The following CTNND2 variants were observed in gnomAD, a reference collection of about 807,000 sequenced individuals.
CTNND2 encodes the protein catenin delta 2.
Under a neutral mutation model 144.4 loss-of-function variants are expected in CTNND2, and 22 were observed. The ratio of observed to expected loss-of-function variants is 0.15; its 90% CI spans 0.11 to 0.22. CTNND2 has a LOEUF of 0.22. Ranked by LOEUF, CTNND2 falls within the 10% of genes least tolerant of loss-of-function variation. The pLI, the probability that CTNND2 is intolerant of heterozygous loss-of-function variation, is 1.00. For synonymous variants in CTNND2, 751 were observed against 695.6 expected (o/e 1.08, Z -1.25); for missense variants, 1,353 against 1,618.8 (o/e 0.84, Z 2.82).
At chr5:11,270,355 A>G (rs1274931730) in intron 9 of CTNND2, among the ~76,000 whole-genome samples, 2 of 152,172 alleles carry the variant, frequency 1.3e-5, no homozygotes, top group African/African-American at 2.4e-5. Context: ...TGTAATTAAT[A>G]TACATTGGCT....
chr5:11,286,374 C>A (rs944321399), intron 9 of CTNND2, among the ~76,000 whole-genome samples: 5 of 152,136 alleles, frequency 3.3e-5, no homozygotes, highest in Admixed American at 3.3e-4. Flanking sequence ...CTTCACATGT[C>A]TTAAGTTATT....
chr5:10,987,477 G>T (rs565505654), intron 20 of CTNND2, among the ~76,000 whole-genome samples: 1 of 152,292 alleles, frequency 6.6e-6, no homozygotes, highest in Admixed American at 6.5e-5. Context: ...GATGACGAGC[G>T]TGAAAGATGA....
At chr5:10,995,058 G>A (rs376760425) in intron 18 of CTNND2, among the ~76,000 whole-genome samples, 2 of 152,276 alleles carry the variant, frequency 1.3e-5, no homozygotes, top group East Asian at 3.9e-4. Flanking sequence ...TCATGGGGAC[G>A]TATATGGTTA....
chr5:11,850,078 A>T (rs1328133091), intron 1 of CTNND2, among the ~76,000 whole-genome samples: 1 of 151,862 alleles, frequency 6.6e-6, no homozygotes, highest in Non-Finnish European at 1.5e-5. Flanking sequence ...AAAGTATAAT[A>T]AAAAAACAGA....
rs61757498 is a variant in CTNND2 at position 11,500,104 on chromosome 5, C to T, written c.287+64840G>A. 5.6e-3 allele frequency among the ~76,000 whole-genome samples: 855 copies of T among 152,294 alleles called. 12 individuals are homozygous for T. The highest frequency in any genetic ancestry group is 0.019 in the African/African-American group (806 of 41,552). On this transcript the variant is annotated intron_variant, in intron 3 of 21. Transcript: ENST00000304623. ...ATGTTTCAATCTGAATTTCCCTCAT[C>T]TCTGCTGTAAGATGCTGTTTCACTA... is the stretch of plus-strand genomic sequence containing the variant.
chr5:11,872,705 C>T (rs1404932537), intron 1 of CTNND2, among the ~76,000 whole-genome samples: 1 of 152,042 alleles, frequency 6.6e-6, no homozygotes, highest in East Asian at 1.9e-4. Context: ...TGTTCATATC[C>T]TTTGTCCACT....
intron 1 of CTNND2, among the ~76,000 whole-genome samples, chr5:11,825,532 G>T (rs1793554092): frequency 6.6e-6 from 1 of 152,066 alleles, no homozygotes; most frequent in Non-Finnish European, 1.5e-5. Flanking sequence ...ACTATGTGAA[G>T]AAATAATTCC....
At chr5:11,831,585 G>A (rs143105212) in intron 1 of CTNND2, among the ~76,000 whole-genome samples, 3,521 of 151,432 alleles carry the variant, frequency 0.023, 157 homozygotes, top group African/African-American at 0.08. Context: ...GGAGAATGGC[G>A]TGAACCTGGA....
chr5:11,328,565 A>T (rs534442121), intron 9 of CTNND2, among the ~76,000 whole-genome samples: 2 of 152,242 alleles, frequency 1.3e-5, no homozygotes, highest in Admixed American at 6.5e-5. Flanking sequence ...TGGCCTACCA[A>T]AGTGCTAGGA....
At chr5:11,668,050 G>C (rs1369286473) in intron 2 of CTNND2, among the ~76,000 whole-genome samples, 2 of 152,186 alleles carry the variant, frequency 1.3e-5, no homozygotes, top group Admixed American at 1.3e-4. Flanking sequence ...GATTTTGTCA[G>C]GTTTGTCAAA....
At chr5:11,071,573 G>GAAAAA (rs34608744) in intron 16 of CTNND2, among the ~76,000 whole-genome samples, 1 of 146,476 alleles carries the variant, frequency 6.8e-6, no homozygotes. Context: ...TTCAAAAAAC[G>GAAAAA]AAAAAAAAAA....
chr5:11,117,327 C>G lies in CTNND2; in HGVS notation c.2277+123G>C. The stretch of plus-strand genomic sequence containing the variant: ...AAGTGTTGGATTCTTATAAGGAAAC[C>G]AGGAGAGAGTTCAGAAGGAAAGTCT... On this transcript the variant is annotated intron_variant, in intron 13 of 21. Coordinates refer to ENST00000304623, the MANE Select transcript of CTNND2 (RefSeq NM_001332.4). 2 of 743,032 alleles carry G rather than the reference C, an allele frequency of 2.7e-6. 1 individual carries two copies. The highest frequency in any genetic ancestry group is 4.8e-4 in the Middle Eastern group (2 of 4,198). 46.0% of individuals were successfully genotyped at this position (743,032 alleles called of 1,614,324 possible). A position where few individuals can be genotyped will look rare whatever the true frequency, so the allele number is the denominator to read the frequency against.
chr5:11,042,658 T>C (rs188369370), intron 16 of CTNND2, among the ~76,000 whole-genome samples: 42 of 152,324 alleles, frequency 2.8e-4, no homozygotes, highest in African/African-American at 6.5e-4. Flanking sequence ...ATGTAAATTA[T>C]AGAATTGAGC....
chr5:11,297,211 T>G (rs953377083), intron 9 of CTNND2, among the ~76,000 whole-genome samples: 1 of 152,212 alleles, frequency 6.6e-6, no homozygotes, highest in South Asian at 2.1e-4. Flanking sequence ...AAAAAGTTCA[T>G]TGCTATATTT....
intron 2 of CTNND2, among the ~76,000 whole-genome samples, chr5:11,662,169 GTA>G (rs1235887180): frequency 1.5e-5 from 2 of 133,380 alleles, no homozygotes; most frequent in African/African-American, 5.6e-5. Flanking sequence ...GTATATATGT[GTA>G]TATATACATA....
intron 3 of CTNND2, among the ~76,000 whole-genome samples, chr5:11,501,064 C>T (rs1294559767): frequency 6.6e-6 from 1 of 152,160 alleles, no homozygotes; most frequent in Admixed American, 6.5e-5. Flanking sequence ...TATTTTAACA[C>T]TCCTTGAAAA....
intron 10 of CTNND2, among the ~76,000 whole-genome samples, chr5:11,210,646 T>C (rs1179410577): frequency 2.6e-5 from 4 of 152,232 alleles, no homozygotes; most frequent in Non-Finnish European, 4.4e-5. Context: ...AAAGAGAATT[T>C]TGGATGACCT....
At chr5:11,627,458 T>C (rs141013398) in intron 2 of CTNND2, among the ~76,000 whole-genome samples, 2 of 152,224 alleles carry the variant, frequency 1.3e-5, no homozygotes, top group Admixed American at 6.5e-5. Context: ...TTCTATAGTA[T>C]AACAAAATGT....
chr5:11,017,557 T>C (rs1159997997), intron 18 of CTNND2, among the ~76,000 whole-genome samples: 2 of 144,302 alleles, frequency 1.4e-5, no homozygotes, highest in African/African-American at 2.5e-5. Flanking sequence ...TATAAAGATA[T>C]ATATACATAT....
Sources: allele counts gnomAD v4.1 joint callset (sites outside exome capture counted in the v4.1 genomes callset), GRCh38; gene constraint gnomAD v4.1.1; transcripts MANE v1.5; gene names NCBI Gene and HGNC (gene_info 2026-07-23, HGNC 2026-07-21).